DPP9: variants seen among roughly 807,000 people sequenced by gnomAD.
DPP9 encodes the protein dipeptidyl peptidase IV-related protein-2.
DPP9 carries 50 observed loss-of-function variants against 110.7 expected under a neutral mutation model. That is an observed-to-expected ratio of 0.45 (90% CI 0.36 to 0.57). DPP9 has a LOEUF of 0.57. DPP9 is among the 20% of genes least tolerant of loss of function. The probability of loss-of-function intolerance (pLI) is 0.00; values close to 1 mark genes in which losing one functional copy is unlikely to be tolerated. For synonymous variants in DPP9, 561 were observed against 514.4 expected, an observed-to-expected ratio of 1.09 and a Z score of -1.23; for missense variants, 1,022 against 1,217.9, an observed-to-expected ratio of 0.84 and a Z score of 2.39.
In DPP9 at chr19:4,683,494, T is replaced by C. The variant is rs2090228696; in HGVS notation, c.2314A>G (p.Lys772Glu). 2 of 1,612,952 alleles carry C rather than the reference T, an allele frequency of 1.2e-6. No individual in the cohort carries two copies. Among genetic ancestry groups the C allele is most frequent in the African/African-American group, 1.3e-5 (1 of 74,910 alleles). Residue 772 changes from lysine to glutamate, a missense_variant, in exon 19 of 22, where the codon AAG becomes GAG. Coordinates refer to ENST00000262960, the MANE Select transcript of DPP9 (RefSeq NM_139159.5). Reference protein sequence around the residue: ...GFLSLMGLIHKPQVFKVAIAG... With the variant: ...GFLSLMGLIHEPQVFKVAIAG... ...GGACCCACCTTGAACACCTGGGGCT[T>C]GTGGATTAGCCCCATGAGCGAGAGG...
Position 4,694,266 on chromosome 19 carries a change from G to A in DPP9, c.1516+395C>T, listed in dbSNP as rs951951762. On this transcript the variant is annotated intron_variant, in intron 13 of 21. Coordinates refer to ENST00000262960, the MANE Select transcript of DPP9 (RefSeq NM_139159.5). This position sits in a 1 kb window ranked among gnomAD's most constrained non-coding sequence, Gnocchi z 4.0. Reference sequence around the variant, plus strand: ...GGCCTTGCACAACAGTTTCTGCTGGGACTACCCAGTTCTGCTGCTGCAGCA... The same window carrying A: ...GGCCTTGCACAACAGTTTCTGCTGGAACTACCCAGTTCTGCTGCTGCAGCA... 1 of 346,990 alleles carries A rather than the reference G, an allele frequency of 2.9e-6. No homozygotes were observed. The highest frequency in any genetic ancestry group is 5.2e-6 in the Non-Finnish European group (1 of 191,904). The allele number at this position is 346,990 out of a possible 1,614,324, so 21.5% of individuals were successfully genotyped here.
chr19:4,679,101 T>C, intron 21 of DPP9, among the ~76,000 whole-genome samples: 1 of 54,074 alleles, frequency 1.8e-5, no homozygotes. Flanking sequence ...AGCCCCACCC[T>C]CCTCACCGCT....
chr19:4,699,445 C>T (rs540034929), intron 10 of DPP9, among the ~76,000 whole-genome samples: 11 of 152,146 alleles, frequency 7.2e-5, no homozygotes, highest in African/African-American at 1.4e-4. Flanking sequence ...TTGCAACTTC[C>T]GAGAGAACTG....
chr19:4,680,921 C>T (rs2089774812), intron 20 of DPP9, among the ~76,000 whole-genome samples: 2 of 152,284 alleles, frequency 1.3e-5, no homozygotes, highest in African/African-American at 2.4e-5. Flanking sequence ...TAAGCCACTG[C>T]ACTCCAGCCG....
chr19:4,694,452 A>T lies in DPP9; in HGVS notation c.1516+209T>A. On this transcript the variant is annotated intron_variant, in intron 13 of 21. Coordinates refer to ENST00000262960, the MANE Select transcript of DPP9 (RefSeq NM_139159.5). The surrounding 1 kb of genome is among the most constrained non-coding windows in gnomAD (Gnocchi z 4.0). ...CCTGGCACAGGGGAGGTGCTCAGTA[A>T]ATCTGCTGCCTGAATAAGCCAACAG... is the stretch of plus-strand genomic sequence containing the variant. 1.5e-6 allele frequency: 1 copy of T among 653,554 alleles called. No individual in the cohort carries two copies. Among genetic ancestry groups the T allele is most frequent in the Non-Finnish European group, 2.6e-6 (1 of 389,488 alleles). The allele number at this position is 653,554 out of a possible 1,614,324, so 40.5% of individuals were successfully genotyped here.
chr19:4,689,618 G>A lies in DPP9; in HGVS notation c.1701C>T (p.Ile567=), dbSNP rs759432349. The part of the protein sequence containing the change: ...YVVSYEAAGE[I]VRLTTPGFSH... ...AGAAGCCGGGCGTGGTGAGGCGTAC[G>A]ATCTCGCCGGCCGCCTCATAGCTGA... The change falls in exon 15 of 22, where the codon ATC becomes ATT. Residue 567 remains isoleucine, a synonymous_variant. Transcript: ENST00000262960. The surrounding 1 kb of genome is among the most constrained non-coding windows in gnomAD (Gnocchi z 7.0). 67 of 1,573,088 alleles carry A rather than the reference G, an allele frequency of 4.3e-5. No homozygotes were observed. Among genetic ancestry groups the A allele is most frequent in the Non-Finnish European group, 5.7e-5 (66 of 1,159,982 alleles).
intron 14 of DPP9, among the ~76,000 whole-genome samples, chr19:4,690,048 C>T (rs940932144): frequency 6.6e-6 from 1 of 152,172 alleles, no homozygotes; most frequent in African/African-American, 2.4e-5. Context: ...GGGAGGGCAC[C>T]GTGCCCGAAA....
Position 4,685,770 on chromosome 19 carries a change from G to C in DPP9, c.1887C>G (p.Ser629Arg), listed in dbSNP as rs1815583640. 3 of 1,612,514 alleles carry C rather than the reference G, an allele frequency of 1.9e-6. No individual in the cohort carries two copies. Among genetic ancestry groups the C allele is most frequent in the Non-Finnish European group, 2.5e-6 (3 of 1,179,774 alleles). ...RFWASMMEAA[S>R]CPPDYVPPEI... ...CTGGAGGAACATAATCCGGGGGGCA[G>C]CCTGCGGGAGACAGGGCGGCTATCT... The change falls in exon 17 of 22, where the codon AGC (serine) becomes AGG (arginine). Residue 629 changes from serine to arginine, a missense_variant and splice_region_variant. Physicochemically the swap from Ser to Arg is moderately radical, Grantham distance 110. Transcript: ENST00000262960. The surrounding 1 kb of genome is among the most constrained non-coding windows in gnomAD (Gnocchi z 5.8).
At position 4,717,038 on chromosome 19, in the gene DPP9, A is replaced by G. The variant is rs534898812; in HGVS notation, c.57-2701T>C. On this transcript the variant is annotated intron_variant, in intron 3 of 21. Transcript: ENST00000262960. Reference sequence around the variant, plus strand: ...CCCCTTGGGAAGGTGGCTTCTGAGTATCACGGCTGTGGGCTGATTTCTGGA... The same window carrying G: ...CCCCTTGGGAAGGTGGCTTCTGAGTGTCACGGCTGTGGGCTGATTTCTGGA... Among the ~76,000 whole-genome samples, 33 of 152,294 alleles carry G rather than the reference A, an allele frequency of 2.2e-4. 1 individual carries two copies. In the South Asian group the frequency reaches 6.0e-3, roughly 28 times the overall value.
At chr19:4,688,504 C>T (rs916178384) in intron 16 of DPP9, 10 of 410,596 alleles carry the variant, frequency 2.4e-5, no homozygotes, top group Admixed American at 4.5e-5. Context: ...GGGGTTGGCA[C>T]GGAGCTGCAT....
chr19:4,679,595 A>C (rs954954055), intron 21 of DPP9: 1 of 538,012 alleles, frequency 1.9e-6, no homozygotes. Context: ...GCAGCCCCCG[A>C]TCCCGTGCTT....
At position 4,719,854 on chromosome 19, in the gene DPP9, C is replaced by T; in HGVS notation, c.53G>A (p.Arg18Lys). 6.4e-7 allele frequency: 1 copy of T among 1,551,796 alleles called. No homozygotes were observed. The change falls in exon 3 of 22, where the codon AGA becomes AAA. Residue 18 changes from arginine (R) to lysine (K), a missense_variant. Transcript: ENST00000262960. ...RLDKENTGSWRSFSLNSEGAE... is the reference protein window; with the variant it reads ...RLDKENTGSWKSFSLNSEGAE... Reference sequence around the variant, plus strand: ...GGGCCTCCGAGGCCAACCTCACCTTCTCCAACTTCCGGTGTTCTCCTTGTC... The same window carrying T: ...GGGCCTCCGAGGCCAACCTCACCTTTTCCAACTTCCGGTGTTCTCCTTGTC...
At chr19:4,721,737 T>C (rs2093331344) in intron 2 of DPP9, among the ~76,000 whole-genome samples, 1 of 152,158 alleles carries the variant, frequency 6.6e-6, no homozygotes, top group Non-Finnish European at 1.5e-5. Context: ...GCTAAGATTG[T>C]GCCATTGCAC....
chr19:4,689,753 G>A lies in DPP9; in HGVS notation c.1597-31C>T, dbSNP rs1242475446. The A allele has an allele frequency of 1.8e-5, 27 of 1,530,052 alleles. No homozygotes were observed. The highest frequency in any genetic ancestry group is 5.0e-5 in the East Asian group (2 of 40,340). The allele number at this position is 1,530,052 out of a possible 1,614,324, so 94.8% of individuals were successfully genotyped here. ...GGGGGACAGGGGATCCTCGTGATGC[G>A]TCCCAGATGCCCCTGGGCCCACACC... On this transcript the variant is annotated intron_variant, in intron 14 of 21. Transcript: ENST00000262960. This position sits in a 1 kb window ranked among gnomAD's most constrained non-coding sequence, Gnocchi z 7.0.
rs1169102045 is a variant in DPP9, at chr19:4,684,189, C to T, written c.2178+474G>A. On this transcript the variant is annotated intron_variant, in intron 18 of 21. Transcript: ENST00000262960. This position sits in a 1 kb window ranked among gnomAD's most constrained non-coding sequence, Gnocchi z 4.8. The stretch of plus-strand genomic sequence containing the variant: ...TGATGGAGGGAGGCCACGGCTTTTC[C>T]GCTCCTTGCAACCCCTCTGCCGTGT... 1.1e-5 allele frequency: 3 copies of T among 270,714 alleles called. No homozygotes were observed. The highest frequency in any genetic ancestry group is 4.0e-5 in the South Asian group (1 of 25,296). The allele number at this position is 270,714 out of a possible 1,614,324, so 16.8% of individuals were successfully genotyped here. A position where few individuals can be genotyped will look rare whatever the true frequency, so the allele number is the denominator to read the frequency against.
chr19:4,702,889 T>G, intron 7 of DPP9, among the ~76,000 whole-genome samples, 173 bp from the exon 8 acceptor site: 1 of 59,188 alleles, frequency 1.7e-5, no homozygotes, highest in East Asian at 5.5e-4. Context: ...GCCGACTGCT[T>G]TCAAGCAGGG....
chr19:4,715,047 G>T (rs1195315709), intron 3 of DPP9, among the ~76,000 whole-genome samples: 2 of 14,086 alleles, frequency 1.4e-4, no homozygotes, highest in East Asian at 6.4e-3. Context: ...TTTTTTTTTG[G>T]AGACAGAGTC....
At position 4,689,557 on chromosome 19, in the gene DPP9, TG is replaced by T; in HGVS notation, c.1749+12del. On this transcript the variant is annotated intron_variant, in intron 15 of 21. Transcript: ENST00000262960. The surrounding 1 kb of genome is among the most constrained non-coding windows in gnomAD (Gnocchi z 7.0). Reference sequence around the variant, plus strand: ...CGGGCACAGGGCGGTGCCGTGAGGCTGGGCGGTCCCACCTGGCTCATGGAGC... The same window carrying T: ...CGGGCACAGGGCGGTGCCGTGAGGCTGGCGGTCCCACCTGGCTCATGGAGC... The T allele has an allele frequency of 5.2e-6, 8 of 1,551,274 alleles. No individual in the cohort carries two copies. Among genetic ancestry groups the T allele is most frequent in the Non-Finnish European group, 6.9e-6 (8 of 1,151,668 alleles).
chr19:4,691,939 A>G (rs566620068), intron 13 of DPP9, among the ~76,000 whole-genome samples: 154 of 151,534 alleles, frequency 1.0e-3, no homozygotes, highest in Non-Finnish European at 1.3e-3. Context: ...CAGCCTCCCA[A>G]ATTGCTGGGA....
Sources: gnomAD v4.1 joint callset for allele counts (sites outside exome capture counted in the v4.1 genomes callset) on GRCh38, gnomAD v4.1.1 for gene constraint, Gnocchi (gnomAD v3.1) non-coding constraint, MANE v1.5 for transcripts, NCBI Gene and HGNC (gene_info 2026-07-23, HGNC 2026-07-21) for gene names.